Variants in GABRG3 observed in about 807,000 individuals in gnomAD.
GABRG3 encodes gamma-aminobutyric acid receptor subunit gamma-3.
GABRG3 carries 25 observed loss-of-function variants against 48.8 expected under a neutral mutation model. That is an observed-to-expected ratio of 0.51 (90% confidence interval 0.37 to 0.72). GABRG3 has a LOEUF of 0.72. GABRG3 is among the 30% of genes least tolerant of loss of function. The probability of loss-of-function intolerance (pLI) is 0.00; values close to 1 mark genes in which losing one functional copy is unlikely to be tolerated. For synonymous variants in GABRG3, 227 were observed against 217.6 expected, an observed-to-expected ratio of 1.04 and a Z score of -0.38; for missense variants, 394 against 577.9, an observed-to-expected ratio of 0.68 and a Z score of 3.26.
At chr15:27,098,474 T>C (rs976103760) in intron 3 of GABRG3, among the ~76,000 whole-genome samples, 1 of 152,160 alleles carries the variant, frequency 6.6e-6, no homozygotes, top group African/African-American at 2.4e-5. Context: ...AAACTGAATG[T>C]CAGTATCTCA....
At chr15:27,291,254 T>G (rs1483849801) in intron 3 of GABRG3, among the ~76,000 whole-genome samples, 1 of 152,256 alleles carries the variant, frequency 6.6e-6, no homozygotes, top group Admixed American at 6.5e-5. Flanking sequence ...CTCATACTTA[T>G]GAAAGTAGAT....
At chr15:27,308,235 TCC>T (rs1246231131) in intron 3 of GABRG3, among the ~76,000 whole-genome samples, 22 of 131,232 alleles carry the variant, frequency 1.7e-4, no homozygotes, top group African/African-American at 2.2e-4. Context: ...TGTTTATATA[TCC>T]AAACATATAT....
At chr15:27,091,430 C>T (rs966388432) in intron 3 of GABRG3, among the ~76,000 whole-genome samples, 1 of 152,058 alleles carries the variant, frequency 6.6e-6, no homozygotes, top group Non-Finnish European at 1.5e-5. Flanking sequence ...ATTGTTCTGT[C>T]GTTTTCTTTT....
At chr15:26,980,893 A>T (rs1895042114) in intron 2 of GABRG3, among the ~76,000 whole-genome samples, 1 of 151,830 alleles carries the variant, frequency 6.6e-6, no homozygotes, top group African/African-American at 2.4e-5. Flanking sequence ...CCTGTTTTGT[A>T]GGGGAACAGC....
chr15:27,042,609 G>T (rs1239227831), intron 3 of GABRG3, among the ~76,000 whole-genome samples: 1 of 152,204 alleles, frequency 6.6e-6, no homozygotes, highest in African/African-American at 2.4e-5. Context: ...CACCACACTC[G>T]CTGGTGCAAT....
intron 2 of GABRG3, among the ~76,000 whole-genome samples, chr15:26,979,950 C>T (rs576280938): frequency 1.3e-4 from 20 of 152,230 alleles, no homozygotes; most frequent in Admixed American, 2.0e-4. Flanking sequence ...TAGAATTCTC[C>T]AGTGATACCC....
chr15:27,202,414 A>G (rs1595582752), intron 3 of GABRG3, among the ~76,000 whole-genome samples: 1 of 152,134 alleles, frequency 6.6e-6, no homozygotes, highest in East Asian at 1.9e-4. Flanking sequence ...TCTGTATTAT[A>G]TTATGTGTCT....
intron 3 of GABRG3, among the ~76,000 whole-genome samples, chr15:27,312,389 C>T (rs1396018115): frequency 6.6e-6 from 1 of 152,034 alleles, no homozygotes; most frequent in Non-Finnish European, 1.5e-5. Context: ...TTCAAAGAAA[C>T]AGTAGCTAAT....
intron 3 of GABRG3, among the ~76,000 whole-genome samples, chr15:27,083,566 T>C (rs1246552523): frequency 1.3e-5 from 2 of 152,070 alleles, no homozygotes; most frequent in African/African-American, 4.8e-5. Context: ...GACCTCATGA[T>C]CCACCTGCCT....
At chr15:27,120,118 T>G (rs1018448955) in intron 3 of GABRG3, among the ~76,000 whole-genome samples, 2 of 152,168 alleles carry the variant, frequency 1.3e-5, no homozygotes, top group African/African-American at 2.4e-5. Flanking sequence ...TAACAGGAAA[T>G]GTCAGGAAAT....
intron 3 of GABRG3, among the ~76,000 whole-genome samples, chr15:27,194,422 TC>T (rs955170296): frequency 6.6e-6 from 1 of 152,242 alleles, no homozygotes; most frequent in Non-Finnish European, 1.5e-5. Flanking sequence ...TTAGAGAACT[TC>T]CTTTAGCAAC....
intron 3 of GABRG3, among the ~76,000 whole-genome samples, chr15:27,311,374 G>A (rs769456927): frequency 2.0e-5 from 3 of 152,148 alleles, no homozygotes; most frequent in African/African-American, 4.8e-5. Flanking sequence ...GAAAAAGATG[G>A]ACTATGCATC....
rs113990577 is a variant in GABRG3, at chr15:27,406,195, A to G, written c.575-74455A>G. The stretch of plus-strand genomic sequence containing the variant: ...AAAATATACACGAGTCCATACAGAT[A>G]TAATGATTGAACATATAAATAAATG... On this transcript the variant is annotated intron_variant, in intron 5 of 9. Transcript: ENST00000615808. Among the ~76,000 whole-genome samples the G allele has an allele frequency of 7.9e-3, 1,194 of 150,994 alleles. 21 individuals are homozygous for G. The highest frequency in any genetic ancestry group is 0.028 in the African/African-American group (1,152 of 40,620).
intron 5 of GABRG3, among the ~76,000 whole-genome samples, chr15:27,383,003 C>G (rs549954214): frequency 1.3e-5 from 2 of 152,174 alleles, no homozygotes; most frequent in East Asian, 3.9e-4. Flanking sequence ...AAGGAATAGA[C>G]TTTTACAGCC....
At chr15:27,388,603 C>T (rs556400712) in intron 5 of GABRG3, among the ~76,000 whole-genome samples, 10 of 152,208 alleles carry the variant, frequency 6.6e-5, no homozygotes, top group African/African-American at 2.4e-4. Flanking sequence ...AAAAGTCACT[C>T]AAAGAGCTGT....
At chr15:27,460,833 G>A (rs1008420379) in intron 5 of GABRG3, among the ~76,000 whole-genome samples, 1 of 152,156 alleles carries the variant, frequency 6.6e-6, no homozygotes, top group African/African-American at 2.4e-5. Flanking sequence ...CCTGAGGTCT[G>A]CCTTCCAGCC....
intron 5 of GABRG3, among the ~76,000 whole-genome samples, chr15:27,473,809 G>A (rs906387186): frequency 1.3e-5 from 2 of 152,188 alleles, no homozygotes; most frequent in African/African-American, 4.8e-5. Flanking sequence ...ATCTCATGAT[G>A]TGTGTGGAAG....
intron 3 of GABRG3, among the ~76,000 whole-genome samples, chr15:27,172,778 G>A (rs528424923): frequency 2.0e-5 from 3 of 152,164 alleles, no homozygotes; most frequent in Non-Finnish European, 2.9e-5. Flanking sequence ...CAGGGCAGAT[G>A]CCTTCCTGCC....
At chr15:27,495,425 G>T (rs954367925) in intron 6 of GABRG3, among the ~76,000 whole-genome samples, 3 of 152,170 alleles carry the variant, frequency 2.0e-5, no homozygotes, top group Admixed American at 1.3e-4. Flanking sequence ...ATGCTGTTGT[G>T]AACATGGGTA....
Sources: allele counts gnomAD v4.1 joint callset (sites outside exome capture counted in the v4.1 genomes callset), GRCh38; gene constraint gnomAD v4.1.1; transcripts MANE v1.5; gene names NCBI Gene and HGNC (gene_info 2026-07-23, HGNC 2026-07-21).